Variants in POFUT3 observed in about 807,000 individuals in gnomAD.
The protein encoded by POFUT3 is protein O-fucosyltransferase 3.
At chr8:33,311,137 A>G in the POFUT3 span, among the ~76,000 whole-genome samples, 1 of 152,164 alleles carries the variant, frequency 6.6e-6, no homozygotes, top group Non-Finnish European at 1.5e-5. Flanking sequence ...TCCTTGCTTT[A>G]TTTGCTATTA....
At chr8:33,395,820 C>T in the POFUT3 span, among the ~76,000 whole-genome samples, 1 of 152,168 alleles carries the variant, frequency 6.6e-6, no homozygotes, top group Admixed American at 6.5e-5. Context: ...CCCAAAAGCA[C>T]TTGCCCAGGC....
the POFUT3 span, among the ~76,000 whole-genome samples, chr8:33,333,560 A>G: frequency 6.6e-6 from 1 of 152,184 alleles, no homozygotes; most frequent in Admixed American, 6.5e-5. Flanking sequence ...TGATGTGGCA[A>G]CAGAAGAGCT....
chr8:33,417,097 C>T, the POFUT3 span, among the ~76,000 whole-genome samples: 5 of 152,086 alleles, frequency 3.3e-5, no homozygotes, highest in South Asian at 2.1e-4. Context: ...GTCTGAGCTC[C>T]GCCTCCTGTC....
chr8:33,375,168 A>G, the POFUT3 span, among the ~76,000 whole-genome samples: 1 of 152,120 alleles, frequency 6.6e-6, no homozygotes. Flanking sequence ...CTGGGAGTAC[A>G]GGCACGAGCC....
the POFUT3 span, among the ~76,000 whole-genome samples, chr8:33,340,673 A>G: frequency 6.6e-6 from 1 of 152,288 alleles, no homozygotes; most frequent in East Asian, 1.9e-4. Flanking sequence ...TTCAGAGCCA[A>G]AAATAGTACC....
At chr8:33,437,387 AT>A in the POFUT3 span, among the ~76,000 whole-genome samples, 7 of 151,754 alleles carry the variant, frequency 4.6e-5, no homozygotes, top group East Asian at 5.8e-4. Context: ...AAAATAACAA[AT>A]TAAAAAAAAA....
At chr8:33,354,623 G>A in the POFUT3 span, among the ~76,000 whole-genome samples, 5 of 152,130 alleles carry the variant, frequency 3.3e-5, no homozygotes, top group South Asian at 1.0e-3. Flanking sequence ...ATCTATTCTG[G>A]AAACACTCTC....
At chr8:33,439,170 C>T in the POFUT3 span, among the ~76,000 whole-genome samples, 2 of 152,116 alleles carry the variant, frequency 1.3e-5, no homozygotes, top group South Asian at 4.1e-4. Context: ...CTTTGAAGGC[C>T]AAGGTGGGTG....
At chr8:33,430,728 C>A in the POFUT3 span, among the ~76,000 whole-genome samples, 3 of 152,100 alleles carry the variant, frequency 2.0e-5, no homozygotes, top group African/African-American at 7.2e-5. Context: ...CCTGCCTTAG[C>A]CTCCCGAGTC....
chr8:33,312,065 C>A, the POFUT3 span, among the ~76,000 whole-genome samples: 1 of 152,026 alleles, frequency 6.6e-6, no homozygotes, highest in Non-Finnish European at 1.5e-5. Context: ...AGTTCGAGAC[C>A]AGCCTGGCCA....
the POFUT3 span, among the ~76,000 whole-genome samples, chr8:33,464,362 C>T: frequency 2.6e-5 from 4 of 152,048 alleles, no homozygotes; most frequent in Non-Finnish European, 4.4e-5. Context: ...CACAGGCAGG[C>T]GCTCATTCAA....
the POFUT3 span, among the ~76,000 whole-genome samples, chr8:33,309,549 C>A: frequency 6.6e-6 from 1 of 151,908 alleles, no homozygotes; most frequent in African/African-American, 2.4e-5. Flanking sequence ...CTCTGCTGAC[C>A]GGCCCAGTGA....
At chr8:33,330,943 C>T in the POFUT3 span, among the ~76,000 whole-genome samples, 2 of 152,120 alleles carry the variant, frequency 1.3e-5, no homozygotes, top group East Asian at 3.9e-4. Context: ...GGTTTTTCAC[C>T]TTTTTAATCC....
the POFUT3 span, among the ~76,000 whole-genome samples, chr8:33,318,143 T>C: frequency 6.6e-6 from 1 of 152,044 alleles, no homozygotes; most frequent in African/African-American, 2.4e-5. Context: ...TCTACGTCTC[T>C]GTATCTGAGT....
the POFUT3 span, among the ~76,000 whole-genome samples, chr8:33,404,458 T>A: frequency 6.6e-6 from 1 of 152,220 alleles, no homozygotes; most frequent in East Asian, 1.9e-4. Flanking sequence ...TTTCAGCTGC[T>A]ACGGGCTTCA....
chr8:33,439,469 C>CA, the POFUT3 span, among the ~76,000 whole-genome samples: 1 of 152,152 alleles, frequency 6.6e-6, no homozygotes, highest in Non-Finnish European at 1.5e-5. Flanking sequence ...GTGGGAAAGT[C>CA]AGAGGTATCT....
At chr8:33,337,133 G>A in the POFUT3 span, among the ~76,000 whole-genome samples, 10 of 152,148 alleles carry the variant, frequency 6.6e-5, no homozygotes, top group Non-Finnish European at 1.3e-4. Context: ...TTTGATGTGA[G>A]TGCTGAGTCT....
chr8:33,309,159 A>T, the POFUT3 span, among the ~76,000 whole-genome samples: 2,453 of 52,310 alleles, frequency 0.047, 50 homozygotes, highest in East Asian at 0.14. Flanking sequence ...AAAAAAAAAA[A>T]AAAAAAAAAT....
chr8:33,351,773 G>A, the POFUT3 span, among the ~76,000 whole-genome samples: 2 of 152,086 alleles, frequency 1.3e-5, no homozygotes, highest in Non-Finnish European at 2.9e-5. Context: ...AGGCAAGACA[G>A]ATGAGAAACA....
Sources: gnomAD v4.1 joint callset for allele counts (sites outside exome capture counted in the v4.1 genomes callset) on GRCh38, gnomAD v4.1.1 for gene constraint, MANE v1.5 for transcripts, NCBI Gene and HGNC (gene_info 2026-07-23, HGNC 2026-07-21) for gene names.